FMO3: variants seen among roughly 807,000 people sequenced by gnomAD.
FMO3 encodes flavin containing dimethylaniline monoxygenase 3, also known as flavin-containing monooxygenase 3.
A neutral mutation model predicts 39.4 loss-of-function variants in FMO3; 40 were observed. That is an observed-to-expected ratio of 1.02 (90% CI 0.79 to 1.32). The LOEUF is 1.32. Among genes scored for constraint, FMO3 ranks in the 40% most tolerant of loss-of-function variants. The pLI, the probability that FMO3 is intolerant of heterozygous loss-of-function variation, is 0.00. For synonymous variants in FMO3, 219 were observed against 228.8 expected (o/e 0.96, Z 0.39); for missense variants, 680 against 651.8 (o/e 1.04, Z -0.47).
chr1:171,095,514 T>C (rs1256732618), intron 2 of FMO3, among the ~76,000 whole-genome samples: 1 of 151,736 alleles, frequency 6.6e-6, no homozygotes, highest in Non-Finnish European at 1.5e-5. Context: ...GGAAGATTAA[T>C]GACCCTTTTA....
Position 171,117,694 on chromosome 1 carries a change from G to T in FMO3, c.*252G>T. 2.6e-6 allele frequency: 1 copy of T among 385,754 alleles called. No homozygotes were observed. The highest frequency in any genetic ancestry group is 4.6e-6 in the Non-Finnish European group (1 of 215,816). 23.9% of individuals were successfully genotyped at this position (385,754 alleles called of 1,614,324 possible). Reference sequence around the variant, plus strand: ...ACTAACACTTCAAAATCAGAACTATGTTCTTTATATCTAACTTAAATCATT... The same window carrying T: ...ACTAACACTTCAAAATCAGAACTATTTTCTTTATATCTAACTTAAATCATT... On this transcript the variant is annotated 3_prime_UTR_variant, in exon 9 of 9. Coordinates refer to ENST00000367755, the MANE Select transcript of FMO3 (RefSeq NM_001002294.3).
chr1:171,116,031 TG>T (rs1656130924), intron 7 of FMO3, among the ~76,000 whole-genome samples, 176 bp from the exon 8 acceptor site: 1 of 152,232 alleles, frequency 6.6e-6, no homozygotes, highest in Non-Finnish European at 1.5e-5. Context: ...ATTTAGGTAA[TG>T]TTTTTTAATT....
chr1:171,094,953 G>T (rs182753386), intron 2 of FMO3, among the ~76,000 whole-genome samples: 3 of 152,186 alleles, frequency 2.0e-5, no homozygotes, highest in Admixed American at 2.0e-4. Context: ...TTTTAGAATT[G>T]TTCTAATTCT....
At chr1:171,107,873 G>A (rs1176604340) in intron 4 of FMO3, 36 bp downstream of exon 4, 1 of 1,591,126 alleles carries the variant, frequency 6.3e-7, no homozygotes, top group South Asian at 1.1e-5. Flanking sequence ...CCACATAACT[G>A]ACAAAAATGA....
chr1:171,116,321 G>A (rs779621615), intron 8 of FMO3, 41 bp downstream of exon 8: 31 of 1,062,230 alleles, frequency 2.9e-5, no homozygotes, highest in African/African-American at 9.5e-5. Flanking sequence ...GATTTCCATA[G>A]AAAAGTGAGA....
intron 2 of FMO3, among the ~76,000 whole-genome samples, chr1:171,096,276 TATA>T (rs1321174838): frequency 1.7e-5 from 1 of 60,416 alleles, no homozygotes; most frequent in African/African-American, 9.1e-5. Flanking sequence ...ATATAAATAT[TATA>T]TATATTATAT....
In FMO3 at chr1:171,116,237, A is replaced by G. The variant is rs1316150768; in HGVS notation, c.1213A>G (p.Met405Val). 5 of 1,605,680 alleles carry G rather than the reference A, an allele frequency of 3.1e-6. No homozygotes were observed. Among genetic ancestry groups the G allele is most frequent in the Non-Finnish European group, 3.4e-6 (4 of 1,172,690 alleles). The change falls in exon 8 of 9, where the codon ATG (methionine) becomes GTG (valine). Residue 405 changes from methionine to valine, a missense_variant. Met to Val is a conservative substitution (Grantham distance 21). Coordinates refer to ENST00000367755, the MANE Select transcript of FMO3 (RefSeq NM_001002294.3). ...TTGTACTTTGCCTTCTATGGAAGAC[A>G]TGATGAATGATATTAATGAGAAAAT... ...GTCTLPSMED[M>V]MNDINEKMEK...
At chr1:171,107,875 C>T (rs1452810296) in intron 4 of FMO3, 38 bp downstream of exon 4, 3 of 1,586,564 alleles carry the variant, frequency 1.9e-6, no homozygotes, top group South Asian at 2.2e-5. Flanking sequence ...ACATAACTGA[C>T]AAAAATGAAT....
intron 6 of FMO3, among the ~76,000 whole-genome samples, chr1:171,111,850 C>A (rs1263492803): frequency 6.6e-6 from 1 of 152,144 alleles, no homozygotes; most frequent in Non-Finnish European, 1.5e-5. Context: ...CCTCATGGAA[C>A]CTACATTCTA....
At position 171,117,581 on chromosome 1, in the gene FMO3, T is replaced by C. The variant is rs2101926019; in HGVS notation, c.*139T>C. ...GTACTCTGTAGACATTAGTCAGTAA[T>C]ACAGTGTTATTTCTAGGCTCTGAAA... On this transcript the variant is annotated 3_prime_UTR_variant, in exon 9 of 9. Coordinates refer to ENST00000367755, the MANE Select transcript of FMO3 (RefSeq NM_001002294.3). 1 of 637,444 alleles carries C rather than the reference T, an allele frequency of 1.6e-6. No individual in the cohort carries two copies. Among genetic ancestry groups the C allele is most frequent in the Non-Finnish European group, 2.7e-6 (1 of 370,584 alleles). 39.5% of individuals were successfully genotyped at this position (637,444 alleles called of 1,614,324 possible).
chr1:171,104,334 T>C (rs1166052900), intron 3 of FMO3, among the ~76,000 whole-genome samples: 1 of 152,146 alleles, frequency 6.6e-6, no homozygotes, highest in Non-Finnish European at 1.5e-5. Context: ...TGAATGTTAA[T>C]TTAGTCTATG....
chr1:171,096,025 A>ATATATTT (rs1491256935), intron 2 of FMO3, among the ~76,000 whole-genome samples: 1 of 45,972 alleles, frequency 2.2e-5, no homozygotes, highest in African/African-American at 9.8e-5. Context: ...ATTATATATT[A>ATATATTT]ATATATAATA....
chr1:171,095,437 T>C (rs1654908860), intron 2 of FMO3, among the ~76,000 whole-genome samples: 1 of 152,096 alleles, frequency 6.6e-6, no homozygotes, highest in African/African-American at 2.4e-5. Context: ...AGTACAGTCT[T>C]CCAGCCTTAT....
intron 2 of FMO3, 97 bp downstream of exon 2, chr1:171,092,887 A>G: frequency 7.8e-7 from 1 of 1,277,724 alleles, no homozygotes; most frequent in South Asian, 1.2e-5. Context: ...CTACCATGGC[A>G]GTTATCATAT....
In FMO3 at chr1:171,097,492, G is replaced by A. The variant is rs1387606951; in HGVS notation, c.132+4702G>A. ...TTTAATGACTGCCATTCTAACTGGT[G>A]TGAGATGATATCTCATTTTGGTTTT... On this transcript the variant is annotated intron_variant, in intron 2 of 8. Coordinates refer to ENST00000367755, the MANE Select transcript of FMO3 (RefSeq NM_001002294.3). Among the ~76,000 whole-genome samples the A allele has an allele frequency of 1.9e-4, 24 of 126,570 alleles. 2 individuals carry two copies. The highest frequency in any genetic ancestry group is 5.5e-4 in the South Asian group (2 of 3,616). 83.0% of individuals were successfully genotyped at this position (126,570 alleles called of 152,430 possible). A position where few individuals can be genotyped will look rare whatever the true frequency, so the allele number is the denominator to read the frequency against.
At chr1:171,099,438 A>C (rs1655256522) in intron 2 of FMO3, among the ~76,000 whole-genome samples, 1 of 152,096 alleles carries the variant, frequency 6.6e-6, no homozygotes, top group Non-Finnish European at 1.5e-5. Flanking sequence ...CACACTGGTG[A>C]TTCTTAGGGC....
intron 2 of FMO3, among the ~76,000 whole-genome samples, chr1:171,098,605 G>T (rs1480686402): frequency 1.3e-5 from 2 of 152,090 alleles, no homozygotes; most frequent in Non-Finnish European, 2.9e-5. Flanking sequence ...TGTTATTGGG[G>T]TATAAGAATG....
chr1:171,107,042 A>G (rs137911474), intron 3 of FMO3, among the ~76,000 whole-genome samples: 1 of 152,292 alleles, frequency 6.6e-6, no homozygotes, highest in Non-Finnish European at 1.5e-5. Context: ...AAGAACAATT[A>G]ATACCAAATA....
chr1:171,115,724 G>A (rs1391178083), intron 7 of FMO3, among the ~76,000 whole-genome samples: 1 of 152,166 alleles, frequency 6.6e-6, no homozygotes, highest in African/African-American at 2.4e-5. Flanking sequence ...TCTCCCTTAT[G>A]TCCTTGGTGA....
Sources: allele counts gnomAD v4.1 joint callset (sites outside exome capture counted in the v4.1 genomes callset), GRCh38; gene constraint gnomAD v4.1.1; transcripts MANE v1.5; gene names NCBI Gene and HGNC (gene_info 2026-07-23, HGNC 2026-07-21).